NKAIN2: variants seen among roughly 807,000 people sequenced by gnomAD.
NKAIN2 encodes the protein sodium/potassium-transporting ATPase subunit beta-1-interacting protein 2.
NKAIN2 carries 14 observed loss-of-function variants against 32.6 expected under a neutral mutation model. The observed-to-expected ratio is 0.43, with a 90% CI of 0.28 to 0.67. The LOEUF (loss-of-function observed/expected upper bound fraction) is 0.67, where lower values mean the gene tolerates loss of function less well. NKAIN2 is among the 30% of genes least tolerant of loss of function. NKAIN2 has a pLI of 0.17. For synonymous variants in NKAIN2, 80 were observed against 87.2 expected (o/e 0.92, Z 0.46); for missense variants, 198 against 258.3 (o/e 0.77, Z 1.60).
chr6:123,836,861 T>C (rs1418538110), intron 1 of NKAIN2, among the ~76,000 whole-genome samples: 1 of 152,140 alleles, frequency 6.6e-6, no homozygotes, highest in Non-Finnish European at 1.5e-5. Context: ...AATTAATGTT[T>C]ATCAAAAAAT....
At chr6:124,266,956 A>G (rs977459956) in intron 1 of NKAIN2, among the ~76,000 whole-genome samples, 2 of 151,660 alleles carry the variant, frequency 1.3e-5, no homozygotes, top group Non-Finnish European at 2.9e-5. Context: ...TGATTAGCAA[A>G]CTTGAAGAAT....
At chr6:124,776,618 C>T (rs983473281) in intron 4 of NKAIN2, among the ~76,000 whole-genome samples, 3 of 152,092 alleles carry the variant, frequency 2.0e-5, no homozygotes, top group African/African-American at 4.8e-5. Flanking sequence ...TAGGGTTGTG[C>T]GTTTTATTTC....
chr6:124,169,017 G>A (rs543306035), intron 1 of NKAIN2, among the ~76,000 whole-genome samples: 2 of 151,986 alleles, frequency 1.3e-5, no homozygotes, highest in South Asian at 4.1e-4. Context: ...TGCTCTTCTT[G>A]TATACTTTTG....
chr6:123,944,429 A>C (rs1306795808), intron 1 of NKAIN2, among the ~76,000 whole-genome samples: 1 of 151,974 alleles, frequency 6.6e-6, no homozygotes, highest in Non-Finnish European at 1.5e-5. Context: ...TTAGTACCCT[A>C]TCCCCACCTC....
chr6:124,020,958 G>A (rs1475899494), intron 1 of NKAIN2, among the ~76,000 whole-genome samples: 1 of 152,138 alleles, frequency 6.6e-6, no homozygotes, highest in East Asian at 1.9e-4. Context: ...ATGTTTGGTA[G>A]GACATTTTTT....
chr6:123,882,133 C>T (rs1361697096), intron 1 of NKAIN2, among the ~76,000 whole-genome samples: 1 of 152,010 alleles, frequency 6.6e-6, no homozygotes, highest in African/African-American at 2.4e-5. Flanking sequence ...CCAACCTCCG[C>T]ATATTACTCA....
chr6:124,553,969 A>G (rs1249886038), intron 3 of NKAIN2, among the ~76,000 whole-genome samples: 1 of 152,204 alleles, frequency 6.6e-6, no homozygotes, highest in Non-Finnish European at 1.5e-5. Context: ...GCCCTTTTAC[A>G]ACAGAAAAGT....
intron 1 of NKAIN2, among the ~76,000 whole-genome samples, chr6:124,041,503 A>G (rs1199434580): frequency 6.6e-6 from 1 of 152,040 alleles, no homozygotes; most frequent in Non-Finnish European, 1.5e-5. Flanking sequence ...CCTGCTTTGC[A>G]TTACAAACAT....
chr6:124,171,085 A>G (rs1788827599), intron 1 of NKAIN2, among the ~76,000 whole-genome samples: 2 of 152,118 alleles, frequency 1.3e-5, no homozygotes, highest in Admixed American at 1.3e-4. Context: ...GGTTAAAACA[A>G]ATAAAGTGAA....
chr6:124,687,135 AAT>A (rs142235428), intron 4 of NKAIN2, among the ~76,000 whole-genome samples: 32 of 147,434 alleles, frequency 2.2e-4, no homozygotes, highest in African/African-American at 5.7e-4. Flanking sequence ...AGCTCCCTTA[AAT>A]ATATATATAT....
intron 3 of NKAIN2, among the ~76,000 whole-genome samples, chr6:124,413,398 G>A (rs1422181121): frequency 6.6e-6 from 1 of 152,170 alleles, no homozygotes; most frequent in Admixed American, 6.5e-5. Context: ...CTATATATGT[G>A]TAGGTCTATT....
chr6:123,981,494 C>T (rs977493939), intron 1 of NKAIN2, among the ~76,000 whole-genome samples: 3 of 152,150 alleles, frequency 2.0e-5, no homozygotes, highest in Non-Finnish European at 4.4e-5. Context: ...TGAATGCAGA[C>T]CTTCCCATTA....
At chr6:123,840,801 A>G (rs1262602667) in intron 1 of NKAIN2, among the ~76,000 whole-genome samples, 1 of 152,160 alleles carries the variant, frequency 6.6e-6, no homozygotes. Flanking sequence ...TAGAAAGAAC[A>G]CTTTCATTAA....
At chr6:123,818,340 AG>A (rs1773783692) in intron 1 of NKAIN2, among the ~76,000 whole-genome samples, 1 of 142,074 alleles carries the variant, frequency 7.0e-6, no homozygotes, top group Non-Finnish European at 1.5e-5. Flanking sequence ...ACAAATTTTC[AG>A]ACTTCTTGTG....
chr6:124,791,466 G>A (rs1582529977), intron 5 of NKAIN2, 67 bp downstream of exon 5: 1 of 1,062,060 alleles, frequency 9.4e-7, no homozygotes. Context: ...CTCCTACTTA[G>A]CCTTCCTATT....
At chr6:124,800,066 G>C (rs1199543302) in intron 5 of NKAIN2, among the ~76,000 whole-genome samples, 1 of 152,158 alleles carries the variant, frequency 6.6e-6, no homozygotes, top group Non-Finnish European at 1.5e-5. Context: ...ATGAGAGCAA[G>C]ACAAAACGCT....
At chr6:124,589,064 G>C (rs369093712) in intron 3 of NKAIN2, among the ~76,000 whole-genome samples, 1 of 152,102 alleles carries the variant, frequency 6.6e-6, no homozygotes, top group Admixed American at 6.5e-5. Flanking sequence ...AAAGGCAAAA[G>C]ATTAGCTTAT....
chr6:124,044,759 C>A (rs973039336), intron 1 of NKAIN2, among the ~76,000 whole-genome samples: 37 of 152,050 alleles, frequency 2.4e-4, no homozygotes, highest in African/African-American at 8.9e-4. Flanking sequence ...AGACTACTAA[C>A]CTTTCTTCTG....
At chr6:124,031,680 T>A (rs1188202845) in intron 1 of NKAIN2, among the ~76,000 whole-genome samples, 1 of 152,172 alleles carries the variant, frequency 6.6e-6, no homozygotes, top group African/African-American at 2.4e-5. Context: ...CAGTAGTCAT[T>A]CAGGAGCAGG....
Sources: gnomAD v4.1 joint callset for allele counts (sites outside exome capture counted in the v4.1 genomes callset) on GRCh38, gnomAD v4.1.1 for gene constraint, MANE v1.5 for transcripts, NCBI Gene and HGNC (gene_info 2026-07-23, HGNC 2026-07-21) for gene names.